KCND2: variants seen among roughly 807,000 people sequenced by gnomAD.
KCND2 encodes the protein A-type voltage-gated potassium channel KCND2.
A neutral mutation model predicts 54.4 loss-of-function variants in KCND2; 16 were observed. That is an observed-to-expected ratio of 0.29 (90% CI 0.20 to 0.45). KCND2 has a LOEUF of 0.45. Ranked by LOEUF, KCND2 falls within the 20% of genes least tolerant of loss-of-function variation. KCND2 has a pLI of 1.00. For synonymous variants in KCND2, 317 were observed against 310.7 expected, an observed-to-expected ratio of 1.02 and a Z score of -0.21; for missense variants, 486 against 824.2, an observed-to-expected ratio of 0.59 and a Z score of 5.02.
At chr7:120,627,411 A>T (rs1793177170) in intron 1 of KCND2, among the ~76,000 whole-genome samples, 1 of 152,210 alleles carries the variant, frequency 6.6e-6, no homozygotes, top group Non-Finnish European at 1.5e-5. Flanking sequence ...GATTTAATTT[A>T]TTATCATCCA....
chr7:120,529,032 T>A (rs953969797), intron 1 of KCND2, among the ~76,000 whole-genome samples: 1 of 152,206 alleles, frequency 6.6e-6, no homozygotes, highest in African/African-American at 2.4e-5. Context: ...CTGCTTAATA[T>A]TTTTCCTCCT....
intron 1 of KCND2, among the ~76,000 whole-genome samples, chr7:120,517,804 C>G: frequency 6.6e-6 from 1 of 152,064 alleles, no homozygotes; most frequent in East Asian, 1.9e-4. Context: ...TATAAAACCT[C>G]CTAAATTTCA....
chr7:120,434,444 A>G (rs554632140), intron 1 of KCND2, among the ~76,000 whole-genome samples: 2 of 152,322 alleles, frequency 1.3e-5, no homozygotes, highest in South Asian at 4.1e-4. Context: ...GCAGCTTAAG[A>G]ATCCACTCTT....
chr7:120,448,034 A>G (rs1802043198), intron 1 of KCND2, among the ~76,000 whole-genome samples: 1 of 152,178 alleles, frequency 6.6e-6, no homozygotes. Context: ...TGATTTTAAA[A>G]AAATTATTAT....
intron 1 of KCND2, among the ~76,000 whole-genome samples, chr7:120,379,460 A>G (rs1198806893): frequency 6.6e-6 from 1 of 152,058 alleles, no homozygotes; most frequent in Non-Finnish European, 1.5e-5. Context: ...TGAAAAACAT[A>G]TTAAATATAG....
intron 1 of KCND2, among the ~76,000 whole-genome samples, chr7:120,640,499 G>A (rs922555257): frequency 1.2e-4 from 18 of 152,012 alleles, no homozygotes; most frequent in African/African-American, 3.4e-4. Flanking sequence ...GTGCATTTCC[G>A]TAAAGAACAG....
intron 1 of KCND2, among the ~76,000 whole-genome samples, chr7:120,665,657 G>C (rs1344807503): frequency 1.3e-5 from 2 of 151,950 alleles, no homozygotes; most frequent in African/African-American, 2.4e-5. Flanking sequence ...TTTCTGTGCT[G>C]CTTTTACCAA....
Position 120,282,983 on chromosome 7 carries a change from G to A in KCND2, c.1115+7236G>A, listed in dbSNP as rs546929233. Among the ~76,000 whole-genome samples, 13 of 152,242 alleles carry A rather than the reference G, an allele frequency of 8.5e-5. No individual in the cohort carries two copies. The East Asian group carries it at 1.9e-3, about 23-fold the overall frequency. ...ATGTAAATATATGATATAATGCCAC[G>A]TAGAGATGAGTGCTATGAACAAAAT... On this transcript the variant is annotated intron_variant, in intron 1 of 5. Coordinates refer to ENST00000331113, the MANE Select transcript of KCND2 (RefSeq NM_012281.3).
Position 120,741,077 on chromosome 7 carries a change from A to C in KCND2, c.1279-457A>C, listed in dbSNP as rs73721456. On this transcript the variant is annotated intron_variant, in intron 2 of 5. Transcript: ENST00000331113. ...AAAAAAAAAAAGAAAGGAAGGAAGG[A>C]AGGCAATCAGTTCTTGGTACTTAGT... 6.5e-3 allele frequency among the ~76,000 whole-genome samples: 981 copies of C among 151,702 alleles called. 14 individuals carry two copies. Among genetic ancestry groups the C allele is most frequent in the African/African-American group, 0.022 (930 of 41,424 alleles).
chr7:120,515,953 G>A (rs1277928466), intron 1 of KCND2, among the ~76,000 whole-genome samples: 1 of 152,104 alleles, frequency 6.6e-6, no homozygotes, highest in Non-Finnish European at 1.5e-5. Context: ...TGACCCATGA[G>A]AGAATATGTA....
At chr7:120,702,829 G>C (rs974940639) in intron 1 of KCND2, among the ~76,000 whole-genome samples, 3 of 152,020 alleles carry the variant, frequency 2.0e-5, no homozygotes, top group African/African-American at 7.3e-5. Context: ...GTAACTAATA[G>C]GTACTAGGCA....
intron 1 of KCND2, among the ~76,000 whole-genome samples, chr7:120,305,029 T>G (rs1799632163): frequency 6.6e-6 from 1 of 152,214 alleles, no homozygotes; most frequent in Admixed American, 6.5e-5. Context: ...TGATTTAATC[T>G]TTCATGCTTC....
At chr7:120,564,390 A>G (rs1461452733) in intron 1 of KCND2, among the ~76,000 whole-genome samples, 4 of 152,152 alleles carry the variant, frequency 2.6e-5, no homozygotes, top group African/African-American at 9.7e-5. Flanking sequence ...GAAAACTACA[A>G]TAGTAACCCA....
chr7:120,599,307 T>C (rs1357874457), intron 1 of KCND2, among the ~76,000 whole-genome samples: 19 of 152,078 alleles, frequency 1.2e-4, no homozygotes. Context: ...CTCTTCTTCT[T>C]CAAATGGATT....
chr7:120,595,292 T>C (rs1792724371), intron 1 of KCND2, among the ~76,000 whole-genome samples: 1 of 150,194 alleles, frequency 6.7e-6, no homozygotes, highest in African/African-American at 2.4e-5. Flanking sequence ...TCTCTACCAA[T>C]GTACAAAAAT....
chr7:120,298,368 T>C (rs1044827341), intron 1 of KCND2, among the ~76,000 whole-genome samples: 1 of 152,216 alleles, frequency 6.6e-6, no homozygotes, highest in Non-Finnish European at 1.5e-5. Context: ...TAGTAGATTT[T>C]CACATTGAGA....
At chr7:120,660,740 G>A (rs2116559240) in intron 1 of KCND2, among the ~76,000 whole-genome samples, 1 of 152,242 alleles carries the variant, frequency 6.6e-6, no homozygotes, top group South Asian at 2.1e-4. Context: ...TTCAATCAAG[G>A]AATACAGTGC....
At chr7:120,704,156 G>T (rs1418279111) in intron 1 of KCND2, among the ~76,000 whole-genome samples, 2 of 152,132 alleles carry the variant, frequency 1.3e-5, no homozygotes. Flanking sequence ...CAAAAGTCCA[G>T]ATAAAGACTA....
At chr7:120,526,448 C>T (rs1791775061) in intron 1 of KCND2, among the ~76,000 whole-genome samples, 1 of 152,118 alleles carries the variant, frequency 6.6e-6, no homozygotes, top group Non-Finnish European at 1.5e-5. Context: ...TAATGACCTA[C>T]TTAAGGAAAT....
Sources: gnomAD v4.1 joint callset for allele counts (sites outside exome capture counted in the v4.1 genomes callset) on GRCh38, gnomAD v4.1.1 for gene constraint, MANE v1.5 for transcripts, NCBI Gene and HGNC (gene_info 2026-07-23, HGNC 2026-07-21) for gene names.